MAGI2: variants seen among roughly 807,000 people sequenced by gnomAD.
The protein encoded by MAGI2 is membrane-associated guanylate kinase, WW and PDZ domain-containing protein 2.
In MAGI2, 35 loss-of-function variants were observed where a neutral mutation model predicts 133.3. The ratio of observed to expected loss-of-function variants is 0.26; its 90% CI spans 0.20 to 0.35. The LOEUF is 0.35. Ranked by LOEUF, MAGI2 falls within the 10% of genes least tolerant of loss-of-function variation. MAGI2 has a pLI of 1.00. For missense variants in MAGI2, 1,636 were observed against 1,863.4 expected, an observed-to-expected ratio of 0.88 and a Z score of 2.25; for synonymous variants, 729 against 710.6, an observed-to-expected ratio of 1.03 and a Z score of -0.41.
At chr7:79,179,707 T>C (rs1826447306) in intron 1 of MAGI2, among the ~76,000 whole-genome samples, 1 of 151,966 alleles carries the variant, frequency 6.6e-6, no homozygotes. Context: ...AGTGCTATAA[T>C]AACTAGACAG....
chr7:78,194,454 A>T (rs3807651), intron 12 of MAGI2, among the ~76,000 whole-genome samples: 68,539 of 151,814 alleles, frequency 0.45, 15,806 homozygotes, highest in Admixed American at 0.52. Context: ...TTGGCTGACA[A>T]TTTACTCAAG....
At chr7:79,314,051 G>A (rs564814924) in intron 1 of MAGI2, among the ~76,000 whole-genome samples, 1 of 152,230 alleles carries the variant, frequency 6.6e-6, no homozygotes, top group East Asian at 1.9e-4. Context: ...TTGGCTCACT[G>A]CAACCTCTGC....
intron 20 of MAGI2, among the ~76,000 whole-genome samples, chr7:78,094,441 A>G (rs1365196962): frequency 6.6e-6 from 1 of 152,098 alleles, no homozygotes; most frequent in Non-Finnish European, 1.5e-5. Flanking sequence ...CCCCTCCTGC[A>G]TTGTCCCTGT....
At chr7:78,305,518 A>G (rs1798182193) in intron 9 of MAGI2, among the ~76,000 whole-genome samples, 2 of 152,134 alleles carry the variant, frequency 1.3e-5, no homozygotes, top group Non-Finnish European at 2.9e-5. Flanking sequence ...GATTTACCAT[A>G]CTCAATACAG....
intron 1 of MAGI2, chr7:79,412,466 C>T (rs906462603): frequency 6.6e-6 from 1 of 152,102 alleles, no homozygotes; most frequent in African/African-American, 2.4e-5. Flanking sequence ...GATGCTAGGT[C>T]CCATTGTGTC....
At chr7:79,113,317 A>G (rs1819100828) in intron 1 of MAGI2, among the ~76,000 whole-genome samples, 1 of 152,192 alleles carries the variant, frequency 6.6e-6, no homozygotes, top group Non-Finnish European at 1.5e-5. Flanking sequence ...TATTTCTTTC[A>G]TAACTCCATT....
At chr7:78,388,189 T>C (rs1050588232) in intron 6 of MAGI2, among the ~76,000 whole-genome samples, 3 of 152,146 alleles carry the variant, frequency 2.0e-5, no homozygotes, top group Non-Finnish European at 4.4e-5. Flanking sequence ...GGAATAGAGA[T>C]ATAGAGTGCC....
At chr7:79,088,133 T>G (rs1423140926) in intron 1 of MAGI2, among the ~76,000 whole-genome samples, 1 of 152,132 alleles carries the variant, frequency 6.6e-6, no homozygotes, top group Non-Finnish European at 1.5e-5. Context: ...GAGCATGGAA[T>G]GTTTTTCCAT....
At chr7:79,037,917 C>G (rs993574258) in intron 1 of MAGI2, among the ~76,000 whole-genome samples, 2 of 152,206 alleles carry the variant, frequency 1.3e-5, no homozygotes, top group African/African-American at 4.8e-5. Flanking sequence ...ACATGTTCCT[C>G]TGTCCCTTGA....
chr7:78,461,103 T>C lies in MAGI2; in HGVS notation c.1045+28658A>G, dbSNP rs1290271720. On this transcript the variant is annotated intron_variant, in intron 6 of 21. Transcript: ENST00000354212. ...GAGTTTTTTTTAATCTCTTTTACCA[T>C]CTTTTCTCACATCTTTCTGCCCATA... Among the ~76,000 whole-genome samples, 6 of 152,282 alleles carry C rather than the reference T, an allele frequency of 3.9e-5. No individual in the cohort carries two copies. The South Asian group carries it at 8.3e-4, about 21-fold the overall frequency.
At chr7:79,201,004 TG>T (rs1828562030) in intron 1 of MAGI2, among the ~76,000 whole-genome samples, 1 of 151,986 alleles carries the variant, frequency 6.6e-6, no homozygotes, top group Admixed American at 6.6e-5. Context: ...TACACACATT[TG>T]TTAAGGCCCT....
intron 3 of MAGI2, among the ~76,000 whole-genome samples, chr7:78,572,612 C>T (rs1213619713): frequency 6.6e-6 from 1 of 152,200 alleles, no homozygotes; most frequent in Non-Finnish European, 1.5e-5. Flanking sequence ...TCCCTGGATG[C>T]AATCATTATC....
Position 78,933,018 on chromosome 7 carries a change from T to C in MAGI2, c.418+74072A>G, listed in dbSNP as rs373770371. 2.8e-4 allele frequency among the ~76,000 whole-genome samples: 43 copies of C among 152,246 alleles called. No individual in the cohort carries two copies. In the South Asian group the frequency reaches 5.8e-3, roughly 21 times the overall value. On this transcript the variant is annotated intron_variant, in intron 2 of 21. Coordinates refer to ENST00000354212, the MANE Select transcript of MAGI2 (RefSeq NM_012301.4). ...CAGGCAAATCTTGCATCCTTGCTAT[T>C]TTCAAGGAGTAAAATTTTTACCAGT...
rs374229043 is a variant in MAGI2 at position 79,236,625 on chromosome 7, T to C, written c.301+216395A>G. On this transcript the variant is annotated intron_variant, in intron 1 of 21. Transcript: ENST00000354212. ...GACCTCATGTCCCAAGTCTGTAAAA[T>C]GAAACTATCGAACTAGATGGACTCT... Among the ~76,000 whole-genome samples the C allele has an allele frequency of 5.9e-5, 9 of 152,336 alleles. No homozygotes were observed. The South Asian group carries it at 8.3e-4, about 14-fold the overall frequency.
At chr7:78,185,251 A>G (rs1394866619) in intron 13 of MAGI2, among the ~76,000 whole-genome samples, 1 of 152,156 alleles carries the variant, frequency 6.6e-6, no homozygotes, top group African/African-American at 2.4e-5. Flanking sequence ...TTACACATAT[A>G]TTACAGCATA....
intron 2 of MAGI2, among the ~76,000 whole-genome samples, chr7:78,874,980 G>T (rs1182756675): frequency 3.9e-5 from 6 of 152,108 alleles, no homozygotes; most frequent in Admixed American, 3.9e-4. Context: ...ATTTACCCTT[G>T]AGAGACTATA....
intron 1 of MAGI2, among the ~76,000 whole-genome samples, chr7:79,450,770 G>A (rs1849185042): frequency 1.3e-5 from 2 of 152,122 alleles, no homozygotes; most frequent in South Asian, 4.1e-4. Flanking sequence ...TCTTATATAG[G>A]AATCCCTGGC....
chr7:78,897,662 G>A (rs561605957), intron 2 of MAGI2, among the ~76,000 whole-genome samples: 2 of 152,228 alleles, frequency 1.3e-5, no homozygotes, highest in East Asian at 3.9e-4. Flanking sequence ...TTCTAGTTCT[G>A]TGAAGAATGC....
intron 1 of MAGI2, among the ~76,000 whole-genome samples, chr7:79,036,865 T>G (rs1811174708): frequency 6.6e-6 from 1 of 152,192 alleles, no homozygotes; most frequent in African/African-American, 2.4e-5. Context: ...TCAGATCTAT[T>G]GAGTCGATTT....
Sources: gnomAD v4.1 joint callset for allele counts (sites outside exome capture counted in the v4.1 genomes callset) on GRCh38, gnomAD v4.1.1 for gene constraint, MANE v1.5 for transcripts, NCBI Gene and HGNC (gene_info 2026-07-23, HGNC 2026-07-21) for gene names.